Variants in MAGI3 observed in about 807,000 individuals in gnomAD.
MAGI3 encodes membrane-associated guanylate kinase, WW and PDZ domain-containing protein 3.
MAGI3 carries 43 observed loss-of-function variants against 121.8 expected under a neutral mutation model. The observed-to-expected ratio is 0.35, with a 90% CI of 0.28 to 0.46. The LOEUF is 0.46. Ranked by LOEUF, MAGI3 falls within the 20% of genes least tolerant of loss-of-function variation. MAGI3 has a pLI of 1.00. For missense variants in MAGI3, 1,547 were observed against 1,797.3 expected (o/e 0.86, Z 2.52); for synonymous variants, 553 against 639.3 (o/e 0.86, Z 2.04).
intron 2 of MAGI3, among the ~76,000 whole-genome samples, chr1:113,566,678 G>A (rs561864749): frequency 6.6e-6 from 1 of 152,066 alleles, no homozygotes; most frequent in Admixed American, 6.6e-5. Context: ...TACATGGAAA[G>A]TAAACAGTGT....
chr1:113,416,317 T>TGTAATTAATTAC (rs1557744571), intron 1 of MAGI3, among the ~76,000 whole-genome samples: 2 of 129,914 alleles, frequency 1.5e-5, no homozygotes, highest in Admixed American at 9.0e-5. Context: ...TAATTAATTA[T>TGTAATTAATTAC]GTAATTAATT....
At position 113,549,571 on chromosome 1, in the gene MAGI3, T is replaced by A. The variant is rs1444196240; in HGVS notation, c.373T>A (p.Ser125Thr). 1.4e-5 allele frequency: 23 copies of A among 1,611,158 alleles called. No homozygotes were observed. The highest frequency in any genetic ancestry group is 2.0e-5 in the Non-Finnish European group (23 of 1,178,716). ...CCTAAGTCTTCAGTTTCAAAAAGGATCAATTGACCACAAACTGCAGCAAGT... is the reference window on the plus strand; with the variant it reads ...CCTAAGTCTTCAGTTTCAAAAAGGAACAATTGACCACAAACTGCAGCAAGT... Reference protein sequence around the residue: ...HYLSLQFQKGSIDHKLQQVIR... With the variant: ...HYLSLQFQKGTIDHKLQQVIR... Residue 125 changes from serine to threonine, a missense_variant, in exon 2 of 21, where the codon TCA becomes ACA. Ser to Thr is a moderately conservative substitution (Grantham distance 58). Transcript: ENST00000307546.
At chr1:113,586,525 A>G (rs1005676109) in intron 4 of MAGI3, among the ~76,000 whole-genome samples, 4 of 152,216 alleles carry the variant, frequency 2.6e-5, no homozygotes, top group African/African-American at 9.6e-5. Flanking sequence ...TATCTTTCAC[A>G]TAATACGTTT....
intron 9 of MAGI3, among the ~76,000 whole-genome samples, chr1:113,623,548 C>G (rs890037964): frequency 1.3e-5 from 2 of 150,624 alleles, no homozygotes; most frequent in African/African-American, 4.9e-5. Flanking sequence ...AGTGCAGTGG[C>G]GCGATCTCGG....
intron 1 of MAGI3, among the ~76,000 whole-genome samples, chr1:113,420,009 C>T (rs377342893): frequency 2.0e-5 from 3 of 152,130 alleles, no homozygotes; most frequent in African/African-American, 7.2e-5. Context: ...TGTGATGATA[C>T]TGTGCAGTCC....
intron 1 of MAGI3, among the ~76,000 whole-genome samples, chr1:113,447,377 T>A (rs2101475100): frequency 6.6e-6 from 1 of 152,328 alleles, no homozygotes; most frequent in African/African-American, 2.4e-5. Flanking sequence ...TCATTTTTTA[T>A]GAGAAACCTA....
intron 4 of MAGI3, among the ~76,000 whole-genome samples, chr1:113,586,470 A>T (rs1343126): frequency 0.24 from 36,868 of 152,042 alleles, 4,794 homozygotes; most frequent in Non-Finnish European, 0.29. Context: ...TAATACATTC[A>T]TTGTTTATGT....
chr1:113,424,431 A>G (rs1652898686), intron 1 of MAGI3, among the ~76,000 whole-genome samples: 1 of 151,930 alleles, frequency 6.6e-6, no homozygotes, highest in Admixed American at 6.6e-5. Context: ...TTCCTACCCC[A>G]CATCCAGGAA....
At chr1:113,450,847 T>A in intron 1 of MAGI3, 1 of 660,046 alleles carries the variant, frequency 1.5e-6, no homozygotes, top group South Asian at 1.7e-5. Context: ...ACTGTAAAAA[T>A]CTGCCACAGA....
intron 6 of MAGI3, among the ~76,000 whole-genome samples, chr1:113,598,708 A>C: frequency 6.6e-6 from 1 of 152,218 alleles, no homozygotes. Context: ...AAGAAAGGAG[A>C]TATCAACACA....
At chr1:113,418,787 G>A (rs1359560561) in intron 1 of MAGI3, among the ~76,000 whole-genome samples, 3 of 151,988 alleles carry the variant, frequency 2.0e-5, no homozygotes, top group Non-Finnish European at 4.4e-5. Context: ...AAATTAATGA[G>A]AGAATATGAT....
Position 113,646,469 on chromosome 1 carries a change from G to T in MAGI3, c.1999-17G>T. On this transcript the variant is annotated splice_polypyrimidine_tract_variant and intron_variant, in intron 11 of 20. Coordinates refer to ENST00000307546, the MANE Select transcript of MAGI3 (RefSeq NM_001142782.2). Reference sequence around the variant, plus strand: ...TGCTTTTTAAAAAATACTAAGTAAGGCTCTTTTCCATTTCAGAAAACAGAT... The same window carrying T: ...TGCTTTTTAAAAAATACTAAGTAAGTCTCTTTTCCATTTCAGAAAACAGAT... The T allele has an allele frequency of 6.3e-7, 1 of 1,576,748 alleles. No homozygotes were observed. Among genetic ancestry groups the T allele is most frequent in the Non-Finnish European group, 8.6e-7 (1 of 1,164,136 alleles).
rs755712814 is a variant in MAGI3 at position 113,590,579 on chromosome 1, A to T, written c.859A>T (p.Met287Leu). 1.2e-6 allele frequency: 2 copies of T among 1,613,768 alleles called. No individual in the cohort carries two copies. The highest frequency in any genetic ancestry group is 2.2e-5 in the South Asian group (2 of 91,082). ...NSSMDFRNYM[M>L]RDETLEPLPK... is the part of the protein sequence containing the mutation. ...CTCCATGGACTTTAGAAATTATATG[A>T]TGAGAGATGAGACTCTGGAACCACT... Residue 287 changes from methionine (M) to leucine (L), a missense_variant, in exon 5 of 21, where the codon ATG becomes TTG. By Grantham distance (15) the Met-to-Leu change is conservative. Transcript: ENST00000307546.
intron 1 of MAGI3, among the ~76,000 whole-genome samples, chr1:113,481,515 TG>T (rs1170617076): frequency 3.3e-5 from 5 of 152,076 alleles, no homozygotes; most frequent in African/African-American, 4.8e-5. Context: ...TTTTTACCTT[TG>T]TTTTTTTTTC....
At chr1:113,404,628 A>G (rs1651578391) in intron 1 of MAGI3, among the ~76,000 whole-genome samples, 1 of 152,104 alleles carries the variant, frequency 6.6e-6, no homozygotes, top group Non-Finnish European at 1.5e-5. Flanking sequence ...AGTTGTTGGC[A>G]TTTCCTGAAC....
intron 4 of MAGI3, among the ~76,000 whole-genome samples, chr1:113,589,563 A>G (rs1328947587): frequency 6.6e-6 from 1 of 152,084 alleles, no homozygotes; most frequent in East Asian, 1.9e-4. Flanking sequence ...GCAATGGGGA[A>G]ATGGGTAGAG....
At chr1:113,605,833 C>T (rs565766889) in intron 6 of MAGI3, among the ~76,000 whole-genome samples, 56 of 152,130 alleles carry the variant, frequency 3.7e-4, no homozygotes, top group South Asian at 1.9e-3. Context: ...CTCCTGACCT[C>T]GTGATCCGCC....
At chr1:113,488,264 C>T (rs537682834) in intron 1 of MAGI3, among the ~76,000 whole-genome samples, 9 of 152,348 alleles carry the variant, frequency 5.9e-5, no homozygotes, top group Admixed American at 2.0e-4. Context: ...GGGTTTGGTG[C>T]AGGAACATCT....
intron 14 of MAGI3, 62 bp from the exon 15 acceptor site, chr1:113,653,766 AAC>A: frequency 2.2e-6 from 3 of 1,387,962 alleles, no homozygotes; most frequent in African/African-American, 1.5e-5. Context: ...TTAGCATAAA[AAC>A]ACTTTAGTCA....
Sources: allele counts gnomAD v4.1 joint callset (sites outside exome capture counted in the v4.1 genomes callset), GRCh38; gene constraint gnomAD v4.1.1; transcripts MANE v1.5; gene names NCBI Gene and HGNC (gene_info 2026-07-23, HGNC 2026-07-21).